MTBP: variants seen among roughly 807,000 people sequenced by gnomAD.
MTBP encodes mdm2-binding protein.
MTBP carries 101 observed loss-of-function variants against 117.0 expected under a neutral mutation model. The observed-to-expected ratio is 0.86, with a 90% CI of 0.73 to 1.02. MTBP has a LOEUF of 1.02. Among genes scored for constraint, MTBP ranks in the 50% least tolerant of loss-of-function variants. MTBP has a pLI of 0.00. For synonymous variants in MTBP, 350 were observed against 351.5 expected (o/e 1.00, Z 0.05); for missense variants, 970 against 1,030.9 (o/e 0.94, Z 0.81).
chr8:120,472,249 T>A (rs1468249604), intron 11 of MTBP: 1 of 152,188 alleles, frequency 6.6e-6, no homozygotes, highest in Admixed American at 6.5e-5. Context: ...AGATACTGAA[T>A]TCTATTTTAG....
At position 120,488,141 on chromosome 8, in the gene MTBP, A is replaced by G. The variant is rs201146622; in HGVS notation, c.1166-18A>G. 12 of 1,569,978 alleles carry G rather than the reference A, an allele frequency of 7.6e-6. No homozygotes were observed. The East Asian group carries it at 2.6e-4, about 34-fold the overall frequency. Reference sequence around the variant, plus strand: ...GCTGAATTTTCACATACTTAACAAGATAATTGTTTTTGTTTAGTTCCAGAT... The same window carrying G: ...GCTGAATTTTCACATACTTAACAAGGTAATTGTTTTTGTTTAGTTCCAGAT... On this transcript the variant is annotated intron_variant, in intron 11 of 21. Transcript: ENST00000305949.
intron 10 of MTBP, among the ~76,000 whole-genome samples, chr8:120,469,852 C>A (rs1360126982): frequency 4.6e-5 from 7 of 152,118 alleles, no homozygotes; most frequent in African/African-American, 7.2e-5. Context: ...TTTGCACCAA[C>A]CTTAATATTT....
intron 14 of MTBP, among the ~76,000 whole-genome samples, chr8:120,498,299 C>T (rs1022139196): frequency 2.0e-5 from 3 of 152,170 alleles, no homozygotes; most frequent in Non-Finnish European, 4.4e-5. Context: ...ACTTAGAACA[C>T]AAGTACCAAA....
intron 17 of MTBP, among the ~76,000 whole-genome samples, chr8:120,513,292 G>A (rs946376055): frequency 1.1e-4 from 17 of 151,876 alleles, no homozygotes; most frequent in African/African-American, 3.9e-4. Flanking sequence ...AGTATTTTGT[G>A]TATTTCTTAG....
intron 11 of MTBP, chr8:120,472,507 C>T (rs906934088): frequency 5.3e-5 from 8 of 152,210 alleles, no homozygotes; most frequent in African/African-American, 1.2e-4. Context: ...ACTGATCTCA[C>T]GAGAAGTCAT....
At chr8:120,486,770 A>G (rs866506421) in intron 11 of MTBP, among the ~76,000 whole-genome samples, 3 of 152,028 alleles carry the variant, frequency 2.0e-5, no homozygotes, top group Non-Finnish European at 4.4e-5. Context: ...AGTGCTTCGG[A>G]CTCTTAAAAA....
intron 11 of MTBP, among the ~76,000 whole-genome samples, chr8:120,478,334 G>A (rs1381425026): frequency 6.6e-6 from 1 of 151,952 alleles, no homozygotes; most frequent in East Asian, 1.9e-4. Flanking sequence ...AAGCACCATG[G>A]CACATGTATG....
At chr8:120,507,562 T>C (rs1183358653) in intron 16 of MTBP, among the ~76,000 whole-genome samples, 4 of 152,138 alleles carry the variant, frequency 2.6e-5, no homozygotes, top group South Asian at 4.1e-4. Flanking sequence ...ACCTTAAAAA[T>C]TGTAGATCAC....
chr8:120,476,652 A>G (rs989082628), intron 11 of MTBP, among the ~76,000 whole-genome samples: 5 of 151,494 alleles, frequency 3.3e-5, no homozygotes, highest in Non-Finnish European at 5.9e-5. Flanking sequence ...CCAATTCACA[A>G]TTGCTACAAA....
chr8:120,482,861 A>G (rs929035404), intron 11 of MTBP, among the ~76,000 whole-genome samples: 14 of 151,828 alleles, frequency 9.2e-5, no homozygotes, highest in African/African-American at 3.4e-4. Flanking sequence ...CACCACGCCC[A>G]GCTAATTTTT....
At position 120,517,975 on chromosome 8, in the gene MTBP, T is replaced by C. The variant is rs759658530; in HGVS notation, c.2371T>C (p.Leu791=). 6.2e-7 allele frequency: 1 copy of C among 1,612,854 alleles called. No individual in the cohort carries two copies. The highest frequency in any genetic ancestry group is 1.1e-5 in the South Asian group (1 of 91,034). ...TERSLPVTCP[L]VPIPSCETPK... ...ACGGTCCTTACCAGTGACTTGTCCA[T>C]TGGTTCCAATTCCTAGCTGTGAAAC... The change falls in exon 19 of 22, where the codon TTG becomes CTG. Residue 791 remains leucine (L), a synonymous_variant. Coordinates refer to ENST00000305949, the MANE Select transcript of MTBP (RefSeq NM_022045.5).
At chr8:120,464,481 T>G (rs910045572) in intron 10 of MTBP, among the ~76,000 whole-genome samples, 1 of 152,056 alleles carries the variant, frequency 6.6e-6, no homozygotes, top group Non-Finnish European at 1.5e-5. Context: ...TCTTATTGTT[T>G]TAATAACAAG....
intron 13 of MTBP, 58 bp from the exon 14 acceptor site, chr8:120,497,335 C>G (rs1414373698): frequency 2.1e-6 from 3 of 1,406,146 alleles, no homozygotes; most frequent in African/African-American, 1.5e-5. Context: ...CCACAAAAGA[C>G]TAGTAGATGA....
intron 10 of MTBP, among the ~76,000 whole-genome samples, chr8:120,469,990 A>G (rs1042735238): frequency 4.6e-5 from 7 of 152,248 alleles, no homozygotes; most frequent in African/African-American, 1.4e-4. Context: ...GTTTTGCACT[A>G]GCTTTAAGAT....
chr8:120,487,522 C>A (rs1223708528), intron 11 of MTBP, among the ~76,000 whole-genome samples: 1 of 152,148 alleles, frequency 6.6e-6, no homozygotes, highest in African/African-American at 2.4e-5. Flanking sequence ...ATGTTTATGT[C>A]CAACTCACCA....
rs1367260373 is a variant in MTBP, at chr8:120,452,946, C to T, written c.426-901C>T. On this transcript the variant is annotated intron_variant, in intron 4 of 21. Transcript: ENST00000305949. ...AGTTTACATAAGATGCCTTAAGTTT[C>T]TAAGACGGTGGGTTTATAGTAAAGG... 2.0e-5 allele frequency: 3 copies of T among 151,600 alleles called. No homozygotes were observed. In the East Asian group the frequency reaches 5.8e-4, roughly 29 times the overall value. 9.4% of individuals were successfully genotyped at this position (151,600 alleles called of 1,614,324 possible).
chr8:120,459,132 A>G, intron 7 of MTBP, 83 bp from the exon 8 acceptor site: 1 of 1,232,280 alleles, frequency 8.1e-7, no homozygotes, highest in Non-Finnish European at 1.1e-6. Context: ...TTTCCCCTCA[A>G]CTTTTACATT....
chr8:120,509,275 G>A (rs969333067), intron 16 of MTBP, among the ~76,000 whole-genome samples: 2 of 152,150 alleles, frequency 1.3e-5, no homozygotes, highest in Non-Finnish European at 2.9e-5. Context: ...CTAAACATTA[G>A]TTTACTCTAC....
chr8:120,471,472 T>A (rs1302431395), intron 11 of MTBP: 1 of 152,164 alleles, frequency 6.6e-6, no homozygotes, highest in Admixed American at 6.6e-5. Flanking sequence ...CTGGCTAATT[T>A]TTATATTTTT....
Sources: gnomAD v4.1 joint callset for allele counts (sites outside exome capture counted in the v4.1 genomes callset) on GRCh38, gnomAD v4.1.1 for gene constraint, MANE v1.5 for transcripts, NCBI Gene and HGNC (gene_info 2026-07-23, HGNC 2026-07-21) for gene names.